The following USP25 variants were observed in gnomAD, a reference collection of about 807,000 sequenced individuals.
USP25 encodes ubiquitin specific peptidase 25.
A neutral mutation model predicts 158.5 loss-of-function variants in USP25; 85 were observed. The observed-to-expected ratio is 0.54, with a 90% CI of 0.45 to 0.64. The LOEUF is 0.64. Ranked by LOEUF, USP25 falls within the 30% of genes least tolerant of loss-of-function variation. USP25 has a pLI of 0.00. For synonymous variants in USP25, 464 were observed against 460.4 expected (o/e 1.01, Z -0.10); for missense variants, 1,242 against 1,327.3 (o/e 0.94, Z 1.00).
chr21:15,778,372 A>C (rs892249238), intron 4 of USP25, among the ~76,000 whole-genome samples: 1 of 152,106 alleles, frequency 6.6e-6, no homozygotes, highest in Non-Finnish European at 1.5e-5. Context: ...GTAAAGGGCT[A>C]ATAGTAAATA....
intron 24 of USP25, among the ~76,000 whole-genome samples, chr21:15,874,739 A>G (rs2040033122): frequency 6.6e-6 from 1 of 152,226 alleles, no homozygotes; most frequent in Admixed American, 6.5e-5. Flanking sequence ...GTGATAAATG[A>G]GAAATGTTCT....
intron 7 of USP25, 132 bp from the exon 8 acceptor site, chr21:15,808,677 C>A: frequency 1.7e-6 from 1 of 572,230 alleles, no homozygotes; most frequent in Non-Finnish European, 2.9e-6. Flanking sequence ...TCGTGTGAAA[C>A]ATTTCACTTG....
chr21:15,741,402 G>A (rs2032046700), intron 1 of USP25, among the ~76,000 whole-genome samples: 1 of 151,404 alleles, frequency 6.6e-6, no homozygotes, highest in South Asian at 2.1e-4. Flanking sequence ...GTGTAGAATT[G>A]TTATAGTACT....
At chr21:15,780,082 A>G (rs1000936612) in intron 4 of USP25, among the ~76,000 whole-genome samples, 1 of 152,180 alleles carries the variant, frequency 6.6e-6, no homozygotes, top group Non-Finnish European at 1.5e-5. Context: ...AAAGGAAGAC[A>G]TTTATATATT....
Position 15,874,415 on chromosome 21 carries a change from C to T in USP25, c.2898C>T (p.Ser966=), listed in dbSNP as rs2040017385. The change falls in exon 24 of 26, where the codon TCC becomes TCT. Residue 966 remains serine, a synonymous_variant. Coordinates refer to ENST00000400183, the MANE Select transcript of USP25 (RefSeq NM_001283041.3). ...TTTAATTTTCAAGTTATATAGATTC[C>T]TTGCTGTTCCTCATCTGTGCTTATC... ...ENFQRESYID[S]LLFLICAYQN... 1 of 1,604,052 alleles carries T rather than the reference C, an allele frequency of 6.2e-7. No individual in the cohort carries two copies. The highest frequency in any genetic ancestry group is 1.7e-5 in the Admixed American group (1 of 58,084).
At chr21:15,783,343 T>A (rs1181885423) in intron 4 of USP25, among the ~76,000 whole-genome samples, 2 of 152,134 alleles carry the variant, frequency 1.3e-5, no homozygotes, top group Non-Finnish European at 2.9e-5. Context: ...CCCATTTGGT[T>A]AAATAGATTG....
chr21:15,839,684 T>A (rs898065935), intron 17 of USP25, among the ~76,000 whole-genome samples: 1 of 152,164 alleles, frequency 6.6e-6, no homozygotes, highest in African/African-American at 2.4e-5. Flanking sequence ...AAAACCTCTT[T>A]TTTTGTCTTC....
At chr21:15,765,962 C>T in intron 2 of USP25, 35 bp from the exon 3 acceptor site, 1 of 1,566,100 alleles carries the variant, frequency 6.4e-7, no homozygotes, top group Non-Finnish European at 8.6e-7. Context: ...AAAATTATTT[C>T]AAAACACTTG....
At chr21:15,838,274 G>A (rs1197283811) in intron 17 of USP25, among the ~76,000 whole-genome samples, 3 of 151,740 alleles carry the variant, frequency 2.0e-5, no homozygotes, top group African/African-American at 7.3e-5. Context: ...TATAATAAAC[G>A]ACATATGATA....
At chr21:15,756,050 A>T (rs1221831165) in intron 1 of USP25, among the ~76,000 whole-genome samples, 1 of 152,204 alleles carries the variant, frequency 6.6e-6, no homozygotes, top group Non-Finnish European at 1.5e-5. Flanking sequence ...TTTGTTATAT[A>T]GATAAAGTCT....
intron 4 of USP25, among the ~76,000 whole-genome samples, chr21:15,778,508 C>T (rs533887350): frequency 6.6e-6 from 1 of 152,162 alleles, no homozygotes; most frequent in Admixed American, 6.5e-5. Context: ...TCTTGATTTA[C>T]AAAGGCAGCC....
chr21:15,760,655 C>T (rs2033669687), intron 1 of USP25, among the ~76,000 whole-genome samples: 1 of 152,140 alleles, frequency 6.6e-6, no homozygotes, highest in Non-Finnish European at 1.5e-5. Flanking sequence ...GCACATTTTA[C>T]AATTTGATGT....
chr21:15,832,522 A>G (rs1326150008), intron 16 of USP25, among the ~76,000 whole-genome samples: 1 of 152,176 alleles, frequency 6.6e-6, no homozygotes, highest in South Asian at 2.1e-4. Flanking sequence ...AGATCTTGCT[A>G]TATTAATTTT....
At chr21:15,872,200 C>T (rs2039923683) in intron 23 of USP25, among the ~76,000 whole-genome samples, 1 of 151,856 alleles carries the variant, frequency 6.6e-6, no homozygotes, top group South Asian at 2.1e-4. Context: ...GAAGTGAAAT[C>T]ATGGTTGCAA....
chr21:15,778,326 G>A (rs2823489), intron 4 of USP25, among the ~76,000 whole-genome samples: 35,366 of 151,604 alleles, frequency 0.23, 5,614 homozygotes, highest in African/African-American at 0.46. Flanking sequence ...TGTCCAATTT[G>A]CAACAATTTA....
intron 1 of USP25, among the ~76,000 whole-genome samples, chr21:15,760,333 AG>A (rs1302252970): frequency 6.6e-6 from 1 of 152,164 alleles, no homozygotes; most frequent in African/African-American, 2.4e-5. Context: ...ATGGAGGAGG[AG>A]ACCATGCAGT....
intron 23 of USP25, 142 bp from the exon 24 acceptor site, chr21:15,874,261 T>C: frequency 1.4e-6 from 1 of 697,084 alleles, no homozygotes; most frequent in Non-Finnish European, 2.2e-6. Flanking sequence ...CTCTCAAGCA[T>C]ACACTGCGTC....
At chr21:15,836,741 T>C (rs112768423) in intron 17 of USP25, among the ~76,000 whole-genome samples, 89 of 108,594 alleles carry the variant, frequency 8.2e-4, no homozygotes, top group African/African-American at 1.0e-3. Flanking sequence ...AGCCAGCCAT[T>C]CTTTGCTGTC....
chr21:15,850,537 A>T (rs1485833616), intron 20 of USP25, among the ~76,000 whole-genome samples: 1 of 151,752 alleles, frequency 6.6e-6, no homozygotes, highest in African/African-American at 2.4e-5. Context: ...TATTTACATT[A>T]ACTGAAAATC....
Sources: gnomAD v4.1 joint callset for allele counts (sites outside exome capture counted in the v4.1 genomes callset) on GRCh38, gnomAD v4.1.1 for gene constraint, MANE v1.5 for transcripts, NCBI Gene and HGNC (gene_info 2026-07-23, HGNC 2026-07-21) for gene names.